Variants in PDE4D observed in about 807,000 individuals in gnomAD.
PDE4D encodes the protein 3',5'-cyclic-AMP phosphodiesterase 4D.
A neutral mutation model predicts 87.4 loss-of-function variants in PDE4D; 24 were observed. The observed-to-expected ratio is 0.27, with a 90% confidence interval of 0.20 to 0.39. The LOEUF (loss-of-function observed/expected upper bound fraction) is 0.39. Ranked by LOEUF, PDE4D falls within the 10% of genes least tolerant of loss-of-function variation. The pLI, the probability that PDE4D is intolerant of heterozygous loss-of-function variation, is 1.00. For missense variants in PDE4D, 714 were observed against 1,041.0 expected (o/e 0.69, Z 4.32); for synonymous variants, 384 against 383.2 (o/e 1.00, Z -0.02).
At chr5:59,839,649 T>A (rs899568294) in intron 1 of PDE4D, among the ~76,000 whole-genome samples, 1 of 152,040 alleles carries the variant, frequency 6.6e-6, no homozygotes, top group Non-Finnish European at 1.5e-5. Context: ...ATTTTTCATA[T>A]GGTGGAAGTG....
chr5:60,378,924 G>A (rs1193565845), intron 1 of PDE4D, among the ~76,000 whole-genome samples: 1 of 152,108 alleles, frequency 6.6e-6, no homozygotes, highest in African/African-American at 2.4e-5. Flanking sequence ...AAAGCAGTAT[G>A]TTGCTGACAA....
intron 2 of PDE4D, among the ~76,000 whole-genome samples, chr5:59,201,123 A>C (rs1392707412): frequency 6.6e-6 from 1 of 152,158 alleles, no homozygotes; most frequent in Admixed American, 6.5e-5. Context: ...AAAAATAATC[A>C]TATGGGTTTT....
intron 1 of PDE4D, among the ~76,000 whole-genome samples, chr5:59,505,897 A>C (rs1397266414): frequency 2.0e-5 from 3 of 152,192 alleles, no homozygotes; most frequent in Non-Finnish European, 4.4e-5. Flanking sequence ...TCATAGATGA[A>C]ATATATAAAA....
chr5:59,700,788 A>G (rs1207248091), intron 1 of PDE4D, among the ~76,000 whole-genome samples: 1 of 152,150 alleles, frequency 6.6e-6, no homozygotes, highest in Non-Finnish European at 1.5e-5. Flanking sequence ...TCACATGCCA[A>G]TCATATCCAC....
intron 1 of PDE4D, among the ~76,000 whole-genome samples, chr5:59,283,804 A>T (rs1011298373): frequency 1.6e-4 from 25 of 152,150 alleles, no homozygotes; most frequent in African/African-American, 6.0e-4. Context: ...TCTCAGGTTA[A>T]TTTTGTTTAT....
intron 2 of PDE4D, among the ~76,000 whole-genome samples, chr5:60,100,833 G>C (rs1582650429): frequency 1.3e-5 from 2 of 152,108 alleles, no homozygotes; most frequent in Admixed American, 1.3e-4. Flanking sequence ...CATACACACT[G>C]TGGCATGAGC....
chr5:59,145,853 G>A (rs1365488967), intron 5 of PDE4D, among the ~76,000 whole-genome samples: 4 of 152,138 alleles, frequency 2.6e-5, no homozygotes, highest in Non-Finnish European at 5.9e-5. Flanking sequence ...CTGGCTGGGC[G>A]CAGTGGCTCA....
chr5:59,095,156 C>T (rs1769461645), intron 5 of PDE4D, among the ~76,000 whole-genome samples: 1 of 151,736 alleles, frequency 6.6e-6, no homozygotes, highest in Admixed American at 6.6e-5. Flanking sequence ...TCATCAGAAA[C>T]ATAACTAAGA....
At chr5:60,045,395 G>T (rs1769092662) in intron 2 of PDE4D, among the ~76,000 whole-genome samples, 1 of 152,058 alleles carries the variant, frequency 6.6e-6, no homozygotes, top group African/African-American at 2.4e-5. Flanking sequence ...TTTTGGCTTT[G>T]GTTGCCATGG....
intron 1 of PDE4D, among the ~76,000 whole-genome samples, chr5:60,471,855 T>A (rs1747839271): frequency 6.6e-6 from 1 of 152,214 alleles, no homozygotes; most frequent in Non-Finnish European, 1.5e-5. Flanking sequence ...ATTCACTTTA[T>A]TGCAGTGGTC....
chr5:59,589,586 G>A (rs1825640643), intron 1 of PDE4D, among the ~76,000 whole-genome samples: 2 of 152,114 alleles, frequency 1.3e-5, no homozygotes, highest in African/African-American at 4.8e-5. Context: ...ATTTTCCTTT[G>A]TAATGAACAT....
At chr5:60,337,626 CTTT>C (rs1757928058) in intron 1 of PDE4D, among the ~76,000 whole-genome samples, 1 of 151,908 alleles carries the variant, frequency 6.6e-6, no homozygotes, top group Non-Finnish European at 1.5e-5. Flanking sequence ...ATAAACCAGA[CTTT>C]TTTAAGTGGA....
Position 60,420,733 on chromosome 5 carries a change from C to T in PDE4D, c.-90+67209G>A, listed in dbSNP as rs559437589. 5.3e-5 allele frequency among the ~76,000 whole-genome samples: 8 copies of T among 152,310 alleles called. No homozygotes were observed. The East Asian group carries it at 5.8e-4, about 11-fold the overall frequency. On this transcript the variant is annotated intron_variant, in intron 1 of 16. Transcript: ENST00000502484. ...GTGCAGCCCATGGAGCGGGAGCCAG[C>T]GCAGGGTGGGGCATCGCCTCACCTG...
At chr5:59,332,893 T>C (rs539244556) in intron 1 of PDE4D, among the ~76,000 whole-genome samples, 1 of 152,174 alleles carries the variant, frequency 6.6e-6, no homozygotes, top group Non-Finnish European at 1.5e-5. Flanking sequence ...CAGTAGCCAT[T>C]TGCCATCAAG....
intron 1 of PDE4D, among the ~76,000 whole-genome samples, chr5:59,664,813 A>G (rs1745801840): frequency 6.6e-6 from 1 of 152,234 alleles, no homozygotes; most frequent in South Asian, 2.1e-4. Flanking sequence ...TCAGCTTCTT[A>G]AATGGCAGAG....
At chr5:59,432,128 A>C (rs1190558919) in intron 1 of PDE4D, among the ~76,000 whole-genome samples, 1 of 152,100 alleles carries the variant, frequency 6.6e-6, no homozygotes, top group African/African-American at 2.4e-5. Context: ...TGGTAGGATT[A>C]ATGGGAGGGA....
chr5:60,477,313 C>T (rs1748406217), intron 1 of PDE4D, among the ~76,000 whole-genome samples: 1 of 152,138 alleles, frequency 6.6e-6, no homozygotes, highest in Admixed American at 6.5e-5. Context: ...CAGTTTGTGG[C>T]TTAAACTCAA....
chr5:60,039,955 T>A (rs1307701767), intron 2 of PDE4D, among the ~76,000 whole-genome samples: 1 of 152,248 alleles, frequency 6.6e-6, no homozygotes, highest in East Asian at 1.9e-4. Context: ...TAAATTCTGA[T>A]AATATTGCAA....
At chr5:60,117,813 AACACACACACATACACACACACAC>A (rs576417241) in intron 2 of PDE4D, among the ~76,000 whole-genome samples, 269 of 150,872 alleles carry the variant, frequency 1.8e-3, no homozygotes, top group African/African-American at 6.2e-3. Flanking sequence ...ACTAAACACA[AACACACACACATACACACACACAC>A]ACACACCACA....
Sources: allele counts gnomAD v4.1 joint callset (sites outside exome capture counted in the v4.1 genomes callset), GRCh38; gene constraint gnomAD v4.1.1; transcripts MANE v1.5; gene names NCBI Gene and HGNC (gene_info 2026-07-23, HGNC 2026-07-21).